The following CFAP97D2 variants were observed in gnomAD, a reference collection of about 807,000 sequenced individuals.
The protein encoded by CFAP97D2 is CFAP97 domain containing 2.
intron 1 of CFAP97D2, among the ~76,000 whole-genome samples, chr13:114,181,504 GAGAAGGGCAAGCTACAGC>G (rs1182449636): frequency 1.3e-5 from 2 of 152,142 alleles, no homozygotes; most frequent in Non-Finnish European, 2.9e-5. Flanking sequence ...ACTGAATGAG[GAGAAGGGCAAGCTACAGC>G]AGAAGGGTGA....
chr13:114,183,348 A>G (rs1399613925), intron 1 of CFAP97D2, among the ~76,000 whole-genome samples: 1 of 151,826 alleles, frequency 6.6e-6, no homozygotes, highest in African/African-American at 2.4e-5. Flanking sequence ...TTGTATTTTT[A>G]GTGGAGATAG....
In CFAP97D2 at chr13:114,189,058, AATAAT is replaced by A. The variant is rs2080860516; in HGVS notation, c.91-7333_91-7329del. Reference sequence around the variant, plus strand: ...TTACTTATATTACTAGTATATATGTAATAATATAACTATAATAACTATGTTATAAT... The same window carrying A: ...TTACTTATATTACTAGTATATATGTAATAACTATAATAACTATGTTATAAT... On this transcript the variant is annotated intron_variant, in intron 1 of 4. Transcript: ENST00000646158. This position sits in a 1 kb window ranked among gnomAD's most constrained non-coding sequence, Gnocchi z 4.5. Among the ~76,000 whole-genome samples, 2 of 148,728 alleles carry A rather than the reference AATAAT, an allele frequency of 1.3e-5. No homozygotes were observed. The highest frequency in any genetic ancestry group is 1.9e-4 in the East Asian group (1 of 5,156).
In CFAP97D2 at chr13:114,185,889, C is replaced by T. The variant is rs763128988; in HGVS notation, c.90+6469C>T. Among the ~76,000 whole-genome samples the T allele has an allele frequency of 5.9e-5, 9 of 152,244 alleles. No homozygotes were observed. Among genetic ancestry groups the T allele is most frequent in the East Asian group, 1.9e-4 (1 of 5,196 alleles). ...GCCATGAACAGCAACAGGAGGCAGACGGACTCCTGGGCAGAAGGGGTCAGG... is the reference window on the plus strand; with the variant it reads ...GCCATGAACAGCAACAGGAGGCAGATGGACTCCTGGGCAGAAGGGGTCAGG... On this transcript the variant is annotated intron_variant, in intron 1 of 4. Transcript: ENST00000646158. The surrounding 1 kb of genome is among the most constrained non-coding windows in gnomAD (Gnocchi z 5.2).
rs1251731268 is a variant in CFAP97D2, at chr13:114,203,726, C to T, written c.290+3283C>T. Among the ~76,000 whole-genome samples the T allele has an allele frequency of 5.9e-5, 9 of 152,250 alleles. No individual in the cohort carries two copies. Among genetic ancestry groups the T allele is most frequent in the African/African-American group, 2.4e-5 (1 of 41,474 alleles). Reference sequence around the variant, plus strand: ...GGAACTGAAGAGGCCAGGCTCCTCCCCTGCCCGTGGCTTCACCCGTTTCCC... The same window carrying T: ...GGAACTGAAGAGGCCAGGCTCCTCCTCTGCCCGTGGCTTCACCCGTTTCCC... On this transcript the variant is annotated intron_variant, in intron 3 of 4. Coordinates refer to ENST00000646158, the Ensembl canonical transcript of CFAP97D2. This position sits in a 1 kb window ranked among gnomAD's most constrained non-coding sequence, Gnocchi z 4.3.
intron 1 of CFAP97D2, among the ~76,000 whole-genome samples, chr13:114,184,297 G>A (rs566739214): frequency 6.6e-6 from 1 of 152,282 alleles, no homozygotes; most frequent in South Asian, 2.1e-4. Context: ...GAGAAGAAAG[G>A]GAGAAAGGAA....
At chr13:114,195,188 T>C (rs1199941054) in intron 1 of CFAP97D2, among the ~76,000 whole-genome samples, 1 of 152,240 alleles carries the variant, frequency 6.6e-6, no homozygotes, top group African/African-American at 2.4e-5. Context: ...CCTCCCTGCC[T>C]TCCTTCAGGC....
intron 1 of CFAP97D2, among the ~76,000 whole-genome samples, chr13:114,191,932 GGAA>G (rs1184320221): frequency 6.6e-6 from 1 of 152,036 alleles, no homozygotes; most frequent in Non-Finnish European, 1.5e-5. Flanking sequence ...GAAAAAACAT[GGAA>G]GAACCTTAAC....
chr13:114,181,837 C>T (rs1379947322), intron 1 of CFAP97D2, among the ~76,000 whole-genome samples: 2 of 152,142 alleles, frequency 1.3e-5, no homozygotes, highest in Non-Finnish European at 2.9e-5. Flanking sequence ...CCAGCCTTCC[C>T]CCTCAGAGCC....
intron 1 of CFAP97D2, among the ~76,000 whole-genome samples, chr13:114,182,442 G>T (rs1019186932): frequency 1.3e-5 from 2 of 151,836 alleles, no homozygotes; most frequent in Non-Finnish European, 2.9e-5. Context: ...TATCTCAACT[G>T]CAAGAGGCCT....
chr13:114,191,089 T>A (rs940473803), intron 1 of CFAP97D2, among the ~76,000 whole-genome samples: 2 of 152,002 alleles, frequency 1.3e-5, no homozygotes, highest in Non-Finnish European at 2.9e-5. Context: ...AAATGGATCA[T>A]AGACATAAAT....
chr13:114,205,167 TAAG>T (rs767450084), intron 3 of CFAP97D2, among the ~76,000 whole-genome samples: 13 of 152,186 alleles, frequency 8.5e-5, no homozygotes, highest in East Asian at 1.9e-4. Context: ...AAATGACAGA[TAAG>T]AAGGAGTGTT....
chr13:114,180,355 C>A (rs1460161083), intron 1 of CFAP97D2, among the ~76,000 whole-genome samples: 1 of 152,142 alleles, frequency 6.6e-6, no homozygotes, highest in Non-Finnish European at 1.5e-5. Context: ...AGGTCACACT[C>A]ATTGCAAGGC....
At chr13:114,200,837 G>A (rs901629909) in intron 3 of CFAP97D2, among the ~76,000 whole-genome samples, 5 of 152,206 alleles carry the variant, frequency 3.3e-5, no homozygotes, top group African/African-American at 4.8e-5. Context: ...GTTGCAGTTC[G>A]GCGGCGGAGG....
intron 1 of CFAP97D2, among the ~76,000 whole-genome samples, chr13:114,192,845 G>A (rs573423037): frequency 6.6e-6 from 1 of 152,078 alleles, no homozygotes; most frequent in African/African-American, 2.4e-5. Flanking sequence ...ACAATAATAG[G>A]CTGAGGAAAA....
chr13:114,213,959 C>T (rs2080982593), intron 4 of CFAP97D2, among the ~76,000 whole-genome samples: 1 of 140,104 alleles, frequency 7.1e-6, no homozygotes. Context: ...TATGGAAGCT[C>T]CAGGACCACA....
rs1003838587 is a variant in CFAP97D2, at chr13:114,186,577, T to TG, written c.90+7163dup. On this transcript the variant is annotated intron_variant, in intron 1 of 4. Transcript: ENST00000646158. This position sits in a 1 kb window ranked among gnomAD's most constrained non-coding sequence, Gnocchi z 4.3. Reference sequence around the variant, plus strand: ...AGAAGGAGAAAAGAGCTGAGGCTCTTGGGGGGTCCCAGACCTGGGAGCTCC... The same window carrying TG: ...AGAAGGAGAAAAGAGCTGAGGCTCTTGGGGGGGTCCCAGACCTGGGAGCTCC... Among the ~76,000 whole-genome samples the TG allele has an allele frequency of 5.3e-5, 8 of 152,268 alleles. No individual in the cohort carries two copies. The South Asian group carries it at 6.2e-4, about 12-fold the overall frequency.
chr13:114,213,904 A>C (rs1394735798), intron 4 of CFAP97D2, among the ~76,000 whole-genome samples: 1 of 97,864 alleles, frequency 1.0e-5, no homozygotes, highest in Non-Finnish European at 2.0e-5. Flanking sequence ...CCAGGACCAC[A>C]AACCCCACCC....
At chr13:114,215,438 G>T (rs756039299) in intron 4 of CFAP97D2, among the ~76,000 whole-genome samples, 2 of 151,868 alleles carry the variant, frequency 1.3e-5, no homozygotes, top group Non-Finnish European at 2.9e-5. Flanking sequence ...TTCCCTTATG[G>T]CATCTGGTCT....
At chr13:114,194,980 T>C (rs141711169) in intron 1 of CFAP97D2, among the ~76,000 whole-genome samples, 1 of 152,336 alleles carries the variant, frequency 6.6e-6, no homozygotes, top group African/African-American at 2.4e-5. Flanking sequence ...CCACCTTCTC[T>C]GTCTTAGTGT....
Sources: allele counts gnomAD v4.1 joint callset (sites outside exome capture counted in the v4.1 genomes callset), GRCh38; gene constraint gnomAD v4.1.1; non-coding constraint Gnocchi (gnomAD v3.1); transcripts MANE v1.5; gene names NCBI Gene and HGNC (gene_info 2026-07-23, HGNC 2026-07-21).